SLC4A8: variants seen among roughly 807,000 people sequenced by gnomAD.
The protein encoded by SLC4A8 is solute carrier family 4 member 8.
In SLC4A8, 40 loss-of-function variants were observed where a neutral mutation model predicts 125.0. The observed-to-expected ratio is 0.32, with a 90% CI of 0.25 to 0.42. SLC4A8 has a LOEUF of 0.42. Among genes scored for constraint, SLC4A8 ranks in the 10% least tolerant of loss-of-function variants. The pLI is 1.00. For missense variants in SLC4A8, 863 were observed against 1,355.1 expected, an observed-to-expected ratio of 0.64 and a Z score of 5.70; for synonymous variants, 456 against 476.0, an observed-to-expected ratio of 0.96 and a Z score of 0.55.
chr12:51,463,724 G>C lies in SLC4A8; in HGVS notation c.1349+10G>C, dbSNP rs764341183. ...TTCAGCGCACTGGGCGGTAAGTCCT[G>C]GGACGTTTCACAGCGATGCTGCTTA... On this transcript the variant is annotated intron_variant, in intron 11 of 24. Transcript: ENST00000453097. 48 of 1,593,524 alleles carry C rather than the reference G, an allele frequency of 3.0e-5. No individual in the cohort carries two copies. The Middle Eastern group carries it at 6.6e-4, about 22-fold the overall frequency.
intron 1 of SLC4A8, among the ~76,000 whole-genome samples, chr12:51,434,308 G>A (rs1184900288): frequency 6.6e-6 from 1 of 151,998 alleles, no homozygotes; most frequent in African/African-American, 2.4e-5. Context: ...CAAAACACAC[G>A]AGATTATTAT....
chr12:51,492,086 GT>G (rs930616714), intron 19 of SLC4A8, among the ~76,000 whole-genome samples: 2 of 151,906 alleles, frequency 1.3e-5, no homozygotes, highest in Non-Finnish European at 2.9e-5. Flanking sequence ...TAAAAGAGAG[GT>G]TTTTTTTGTT....
At chr12:51,420,940 A>G (rs940054389), upstream of SLC4A8, among the ~76,000 whole-genome samples, 1 of 152,184 alleles carries the variant, frequency 6.6e-6, no homozygotes, top group African/African-American at 2.4e-5. Context: ...ATGGGATGAT[A>G]GTGCCTACCT....
intron 22 of SLC4A8, among the ~76,000 whole-genome samples, chr12:51,501,475 A>G (rs1937880804): frequency 6.6e-6 from 1 of 152,162 alleles, no homozygotes; most frequent in Non-Finnish European, 1.5e-5. Flanking sequence ...TGTTGCTGCA[A>G]AGGACATAGT....
chr12:51,478,646 C>T (rs7974792), intron 16 of SLC4A8, among the ~76,000 whole-genome samples: 83,779 of 151,982 alleles, frequency 0.55, 23,317 homozygotes, highest in African/African-American at 0.62. Flanking sequence ...TTTCAAATTA[C>T]TCAGTCGAAT....
chr12:51,497,055 A>G lies in SLC4A8; in HGVS notation c.3012A>G (p.Leu1004=). 1.9e-6 allele frequency: 3 copies of G among 1,614,008 alleles called. No homozygotes were observed. Among genetic ancestry groups the G allele is most frequent in the Non-Finnish European group, 2.5e-6 (3 of 1,179,960 alleles). ...LCFSKRELSW[L]DDLMPESKKK... is the part of the protein sequence containing the mutation. ...TCTCTAAGCGAGAGCTGAGCTGGCTAGATGATCTCATGCCTGAAAGCAAAA... is the reference window on the plus strand; with the variant it reads ...TCTCTAAGCGAGAGCTGAGCTGGCTGGATGATCTCATGCCTGAAAGCAAAA... The change falls in exon 22 of 25, where the codon CTA becomes CTG. Residue 1004 remains leucine (L), a synonymous_variant. Transcript: ENST00000453097.
intron 1 of SLC4A8, among the ~76,000 whole-genome samples, chr12:51,436,414 T>G (rs973265573): frequency 2.6e-5 from 4 of 152,218 alleles, no homozygotes; most frequent in African/African-American, 7.2e-5. Flanking sequence ...CAATTTGACC[T>G]TTGTTTTCAT....
chr12:51,480,123 T>C (rs1467623196), intron 16 of SLC4A8: 1 of 415,056 alleles, frequency 2.4e-6, no homozygotes, highest in Non-Finnish European at 4.3e-6. Flanking sequence ...GTATTTTTAG[T>C]AGAGACGGGG....
At position 51,495,197 on chromosome 12, in the gene SLC4A8, C is replaced by G. The variant is rs570416245; in HGVS notation, c.2943+79C>G. The G allele has an allele frequency of 3.6e-4, 463 of 1,283,162 alleles. 3 individuals are homozygous for G. In the South Asian group the frequency reaches 6.5e-3, roughly 18 times the overall value. 79.5% of individuals were successfully genotyped at this position (1,283,162 alleles called of 1,614,324 possible). A position where few individuals can be genotyped will look rare whatever the true frequency, so the allele number is the denominator to read the frequency against. On this transcript the variant is annotated intron_variant, in intron 21 of 24. Coordinates refer to ENST00000453097, the MANE Select transcript of SLC4A8 (RefSeq NM_001039960.3). ...TAAAATATTATAACTTTAAAATTTA[C>G]CATTTTTAAGTGTACAGTTGAGTGG...
At chr12:51,404,361 C>A (rs958462824) in intron 1 of SLC4A8, among the ~76,000 whole-genome samples, 2 of 152,132 alleles carry the variant, frequency 1.3e-5, no homozygotes, top group Non-Finnish European at 2.9e-5. Flanking sequence ...AGGGAACTAC[C>A]TTCCTTTGAT....
intron 13 of SLC4A8, 141 bp from the exon 14 acceptor site, chr12:51,471,146 T>A (rs955566701): frequency 2.5e-5 from 20 of 807,502 alleles, no homozygotes; most frequent in Non-Finnish European, 4.0e-5. Context: ...AGAGCACTAT[T>A]TAGAAGGAAA....
chr12:51,438,055 G>A (rs12307146), intron 1 of SLC4A8, among the ~76,000 whole-genome samples: 82,067 of 151,960 alleles, frequency 0.54, 22,287 homozygotes, highest in African/African-American at 0.58. Context: ...TGGGGTGCAT[G>A]GTGATGTTTC....
Position 51,507,474 on chromosome 12 carries a change from G to T in SLC4A8, c.*36G>T. ...TGGGATGGAAGATTTGGGCCGTGTG[G>T]TGCCTCAGGGAAGTTCTGGTTACAG... On this transcript the variant is annotated 3_prime_UTR_variant, in exon 25 of 25. Coordinates refer to ENST00000453097, the MANE Select transcript of SLC4A8 (RefSeq NM_001039960.3). The T allele has an allele frequency of 7.3e-7, 1 of 1,369,316 alleles. No individual in the cohort carries two copies. Among genetic ancestry groups the T allele is most frequent in the Non-Finnish European group, 9.5e-7 (1 of 1,051,424 alleles). The allele number at this position is 1,369,316 out of a possible 1,614,324, so 84.8% of individuals were successfully genotyped here. A position where few individuals can be genotyped will look rare whatever the true frequency, so the allele number is the denominator to read the frequency against.
At chr12:51,403,363 C>G in intron 1 of SLC4A8, 1 of 410,872 alleles carries the variant, frequency 2.4e-6, no homozygotes, top group Non-Finnish European at 5.1e-6. Context: ...TGGGCAGGAG[C>G]CATGACAGCC....
chr12:51,395,666 G>A (rs1239216065), intron 1 of SLC4A8, among the ~76,000 whole-genome samples: 1 of 152,146 alleles, frequency 6.6e-6, no homozygotes, highest in Non-Finnish European at 1.5e-5. Context: ...AAGGGATGCC[G>A]TGAACTTGCC....
intron 1 of SLC4A8, among the ~76,000 whole-genome samples, chr12:51,417,858 G>T (rs919394878): frequency 4.6e-5 from 7 of 152,148 alleles, no homozygotes; most frequent in Non-Finnish European, 8.8e-5. Flanking sequence ...TGCCACGTTG[G>T]CCAAGCTGAT....
intron 5 of SLC4A8, among the ~76,000 whole-genome samples, chr12:51,455,852 G>A (rs1950132188): frequency 6.6e-6 from 1 of 152,156 alleles, no homozygotes; most frequent in African/African-American, 2.4e-5. Flanking sequence ...CATCATTGGA[G>A]TCACATTTTG....
intron 1 of SLC4A8, among the ~76,000 whole-genome samples, chr12:51,406,431 C>T (rs1323430206): frequency 2.0e-5 from 3 of 152,134 alleles, no homozygotes; most frequent in Non-Finnish European, 4.4e-5. Flanking sequence ...AAGGAGCTTC[C>T]AGTCCCTGGC....
At position 51,409,870 on chromosome 12, in the gene SLC4A8, C is replaced by A. The variant is rs924431967; in HGVS notation, c.-112+18382C>A. 7.0e-4 allele frequency among the ~76,000 whole-genome samples: 107 copies of A among 152,198 alleles called. 1 individual carries two copies. Among genetic ancestry groups the A allele is most frequent in the African/African-American group, 2.4e-3 (100 of 41,440 alleles). ...GGCTAGGCTCATTCTTCCAAAAAAA[C>A]CATTTCAACTTTTTGGGCTGAGTAA... On this transcript the variant is annotated intron_variant, in intron 1 of 24. Transcript: ENST00000358657.
Sources: allele counts gnomAD v4.1 joint callset (sites outside exome capture counted in the v4.1 genomes callset), GRCh38; gene constraint gnomAD v4.1.1; transcripts MANE v1.5; gene names NCBI Gene and HGNC (gene_info 2026-07-23, HGNC 2026-07-21).